The following PKIB variants were observed in gnomAD, a reference collection of about 807,000 sequenced individuals.
PKIB encodes the protein cAMP-dependent protein kinase inhibitor beta.
PKIB carries 2 observed loss-of-function variants against 4.5 expected under a neutral mutation model. The observed-to-expected ratio is 0.44, with a 90% CI of 0.18 to 1.39. PKIB has a LOEUF of 1.39. PKIB is among the 40% of genes most tolerant of loss of function. The pLI is 0.27. For missense variants in PKIB, 94 were observed against 92.6 expected, an observed-to-expected ratio of 1.02 and a Z score of -0.06; for synonymous variants, 38 against 36.0, an observed-to-expected ratio of 1.06 and a Z score of -0.20.
At chr6:122,576,690 A>G (rs1247598337) in intron 2 of PKIB, among the ~76,000 whole-genome samples, 1 of 3,158 alleles carries the variant, frequency 3.2e-4, no homozygotes, top group African/African-American at 8.5e-4. Flanking sequence ...AAAAAAAAAA[A>G]TATATATATA....
intron 1 of PKIB, among the ~76,000 whole-genome samples, chr6:122,629,019 G>C (rs549987718): frequency 6.6e-6 from 1 of 152,298 alleles, no homozygotes; most frequent in East Asian, 1.9e-4. Context: ...TTTATGCCCT[G>C]CAGTAACTCG....
intron 3 of PKIB, among the ~76,000 whole-genome samples, chr6:122,592,726 C>T (rs753478470): frequency 3.9e-5 from 6 of 152,160 alleles, no homozygotes; most frequent in Non-Finnish European, 8.8e-5. Context: ...AAAAGAAGCA[C>T]AGTTTATCTA....
At chr6:122,596,814 G>A (rs1360506970) in intron 3 of PKIB, among the ~76,000 whole-genome samples, 1 of 152,176 alleles carries the variant, frequency 6.6e-6, no homozygotes, top group African/African-American at 2.4e-5. Flanking sequence ...GGCCCAAGTG[G>A]CAAAGCAGAT....
In PKIB at chr6:122,641,781, C is replaced by T. The variant is rs550519838; in HGVS notation, c.-76+8414C>T. Among the ~76,000 whole-genome samples, 3 of 152,320 alleles carry T rather than the reference C, an allele frequency of 2.0e-5. No homozygotes were observed. The East Asian group carries it at 5.8e-4, about 29-fold the overall frequency. ...TGATCTCCGCTCACTGCAACCTCTG[C>T]CTCCTGGGTTCAAGTGATTCTCCTG... On this transcript the variant is annotated intron_variant, in intron 2 of 4. Transcript: ENST00000368452.
chr6:122,715,116 T>G (rs1021010014), intron 3 of PKIB, among the ~76,000 whole-genome samples: 3 of 151,964 alleles, frequency 2.0e-5, no homozygotes, highest in Non-Finnish European at 4.4e-5. Flanking sequence ...AAAAGGAATT[T>G]CTCTTTCAAC....
chr6:122,561,478 A>G (rs967039413), intron 2 of PKIB, among the ~76,000 whole-genome samples: 21 of 151,888 alleles, frequency 1.4e-4, no homozygotes, highest in African/African-American at 4.6e-4. Context: ...CATATGATCT[A>G]TCTTGGAGAA....
chr6:122,511,408 G>C (rs1776579830), intron 2 of PKIB, among the ~76,000 whole-genome samples: 1 of 152,160 alleles, frequency 6.6e-6, no homozygotes, highest in Non-Finnish European at 1.5e-5. Context: ...TGTGTCCCTA[G>C]CTTTCTCCGA....
rs1582681416 is a variant in PKIB at position 122,533,758 on chromosome 6, T to C, written c.-247-52163T>C. The stretch of plus-strand genomic sequence containing the variant: ...AGAACATTGCCTGATTATATTCAGA[T>C]AATGTTTAAATTTTGCTTCCTTTCT... On this transcript the variant is annotated intron_variant, in intron 2 of 6. Transcript: ENST00000392491. Among the ~76,000 whole-genome samples the C allele has an allele frequency of 2.0e-5, 3 of 152,338 alleles. No individual in the cohort carries two copies. The South Asian group carries it at 6.2e-4, about 32-fold the overall frequency.
At position 122,587,175 on chromosome 6, in the gene PKIB, C is replaced by T. The variant is rs184006068; in HGVS notation, c.-161+1168C>T. Among the ~76,000 whole-genome samples the T allele has an allele frequency of 2.3e-3, 344 of 152,174 alleles. 1 individual carries two copies. Among genetic ancestry groups the T allele is most frequent in the Non-Finnish European group, 3.6e-3 (246 of 67,992 alleles). ...AGATCTCCTAATGCTATCCCTCCCC[C>T]GTCCTCCCACTCCACAATAGGCCCC... On this transcript the variant is annotated intron_variant, in intron 3 of 6. Coordinates refer to the PKIB transcript ENST00000392491.
At chr6:122,609,289 T>G (rs1774652525), upstream of PKIB, among the ~76,000 whole-genome samples, 1 of 152,184 alleles carries the variant, frequency 6.6e-6, no homozygotes, top group South Asian at 2.1e-4. Flanking sequence ...CAAAACTGAT[T>G]TGGAATCTTC....
chr6:122,639,321 A>G (rs560087005), intron 2 of PKIB, among the ~76,000 whole-genome samples: 31 of 152,218 alleles, frequency 2.0e-4, no homozygotes, highest in Non-Finnish European at 1.2e-4. Context: ...AGTAAAGGGA[A>G]TATATACAAA....
chr6:122,515,219 G>A (rs532439939), intron 2 of PKIB, among the ~76,000 whole-genome samples: 30 of 152,050 alleles, frequency 2.0e-4, no homozygotes, highest in East Asian at 5.8e-4. Flanking sequence ...GATTTGAACC[G>A]TTTATTCCAG....
At chr6:122,490,089 T>G (rs546044991) in intron 2 of PKIB, among the ~76,000 whole-genome samples, 107 of 152,346 alleles carry the variant, frequency 7.0e-4, no homozygotes, top group Non-Finnish European at 1.2e-3. Flanking sequence ...TATGAAAGCT[T>G]CTTCTTGTAG....
Position 122,717,749 on chromosome 6 carries a change from A to G in PKIB, c.-8-38A>G, listed in dbSNP as rs564352869. 1.7e-5 allele frequency: 27 copies of G among 1,603,786 alleles called. No individual in the cohort carries two copies. In the East Asian group the frequency reaches 5.1e-4, roughly 31 times the overall value. ...CACTGTGGTGAACATTTACTTCTGA[A>G]TAGGCTCATCTTCTTCATATGCACA... On this transcript the variant is annotated intron_variant, in intron 3 of 4. Transcript: ENST00000368452.
intron 3 of PKIB, among the ~76,000 whole-genome samples, chr6:122,680,933 T>C (rs913700254): frequency 6.6e-6 from 1 of 152,206 alleles, no homozygotes; most frequent in Non-Finnish European, 1.5e-5. Flanking sequence ...TGTCTAAATG[T>C]TGTGGCCCCT....
intron 2 of PKIB, among the ~76,000 whole-genome samples, chr6:122,492,125 C>A (rs545945784): frequency 3.1e-4 from 47 of 152,136 alleles, no homozygotes; most frequent in African/African-American, 1.1e-3. Flanking sequence ...AGAGGGCCAC[C>A]AGAACAGTGA....
At chr6:122,573,256 G>GATA (rs1356770396) in intron 2 of PKIB, among the ~76,000 whole-genome samples, 6 of 152,012 alleles carry the variant, frequency 3.9e-5, no homozygotes, top group African/African-American at 1.4e-4. Context: ...ACATCCAAAA[G>GATA]ATAATACATC....
intron 2 of PKIB, among the ~76,000 whole-genome samples, chr6:122,539,496 A>G (rs1777520919): frequency 6.6e-6 from 1 of 151,912 alleles, no homozygotes; most frequent in Admixed American, 6.6e-5. Flanking sequence ...ATTGATTTGC[A>G]TATGTGGAAC....
At chr6:122,520,152 C>T (rs1776890226) in intron 2 of PKIB, among the ~76,000 whole-genome samples, 1 of 152,034 alleles carries the variant, frequency 6.6e-6, no homozygotes, top group Non-Finnish European at 1.5e-5. Context: ...GTATCTGTAC[C>T]ACATTACTGT....
Sources: gnomAD v4.1 joint callset for allele counts (sites outside exome capture counted in the v4.1 genomes callset) on GRCh38, gnomAD v4.1.1 for gene constraint, MANE v1.5 for transcripts, NCBI Gene and HGNC (gene_info 2026-07-23, HGNC 2026-07-21) for gene names.